GLIPR1L2: variants seen among roughly 807,000 people sequenced by gnomAD.
The protein encoded by GLIPR1L2 is GLIPR1 like 2.
GLIPR1L2 carries 21 observed loss-of-function variants against 28.4 expected under a neutral mutation model. That is an observed-to-expected ratio of 0.74 (90% CI 0.52 to 1.06). The LOEUF (loss-of-function observed/expected upper bound fraction) is 1.06, where lower values mean the gene tolerates loss of function less well. Ranked by LOEUF, GLIPR1L2 falls within the 50% of genes least tolerant of loss-of-function variation. The probability of loss-of-function intolerance (pLI) is 0.00; values close to 1 mark genes in which losing one functional copy is unlikely to be tolerated. For synonymous variants in GLIPR1L2, 145 were observed against 139.3 expected (o/e 1.04, Z -0.29); for missense variants, 476 against 416.9 (o/e 1.14, Z -1.23).
intron 3 of GLIPR1L2, among the ~76,000 whole-genome samples, chr12:75,418,796 C>T (rs1003505156): frequency 6.6e-6 from 1 of 152,158 alleles, no homozygotes; most frequent in Non-Finnish European, 1.5e-5. Context: ...GATATTGTTT[C>T]TCCCTATCCA....
At position 75,413,513 on chromosome 12, in the gene GLIPR1L2, T is replaced by C. The variant is rs1187598525; in HGVS notation, c.481-85T>C. ...TTGAATTGCTTGGTGAAAAGTTCTATGTGAATGGAATATATTATTGTTTAT... is the reference window on the plus strand; with the variant it reads ...TTGAATTGCTTGGTGAAAAGTTCTACGTGAATGGAATATATTATTGTTTAT... On this transcript the variant is annotated intron_variant, in intron 2 of 5. Transcript: ENST00000550916. The C allele has an allele frequency of 9.4e-6, 7 of 744,858 alleles. 1 individual carries two copies. The South Asian group carries it at 1.3e-4, about 14-fold the overall frequency. The allele number at this position is 744,858 out of a possible 1,614,324, so 46.1% of individuals were successfully genotyped here.
rs1041623119 is a variant in GLIPR1L2, at chr12:75,402,986, C to A, written c.235-7448C>A. On this transcript the variant is annotated intron_variant, in intron 1 of 5. Transcript: ENST00000550916. ...TAAATAAAGTCCTCCACTTTGTTAACAAGTGTCATGAACAATTTTTCCTTT... is the reference window on the plus strand; with the variant it reads ...TAAATAAAGTCCTCCACTTTGTTAAAAAGTGTCATGAACAATTTTTCCTTT... 1.1e-5 allele frequency: 5 copies of A among 456,752 alleles called. No individual in the cohort carries two copies. The Middle Eastern group carries it at 9.7e-4, about 88-fold the overall frequency. The allele number at this position is 456,752 out of a possible 1,614,324, so 28.3% of individuals were successfully genotyped here. A position where few individuals can be genotyped will look rare whatever the true frequency, so the allele number is the denominator to read the frequency against.
At chr12:75,412,944 C>A (rs1276768207) in intron 2 of GLIPR1L2, among the ~76,000 whole-genome samples, 1 of 151,896 alleles carries the variant, frequency 6.6e-6, no homozygotes, top group Non-Finnish European at 1.5e-5. Context: ...TGGAACCAAC[C>A]CAAATGTCCA....
intron 1 of GLIPR1L2, among the ~76,000 whole-genome samples, chr12:75,393,290 G>A (rs992858734): frequency 6.6e-6 from 1 of 151,960 alleles, no homozygotes; most frequent in African/African-American, 2.4e-5. Flanking sequence ...ATAGTTCAGT[G>A]GCATTAAGTA....
chr12:75,396,530 T>C (rs901359905), intron 1 of GLIPR1L2, among the ~76,000 whole-genome samples: 2 of 152,230 alleles, frequency 1.3e-5, no homozygotes, highest in African/African-American at 4.8e-5. Context: ...TATTTCTATA[T>C]GTAAAATAAT....
intron 4 of GLIPR1L2, among the ~76,000 whole-genome samples, chr12:75,428,974 C>T (rs2046063066): frequency 6.6e-6 from 1 of 152,208 alleles, no homozygotes; most frequent in African/African-American, 2.4e-5. Flanking sequence ...CACAAGTTTG[C>T]TGCAGGGGTG....
chr12:75,402,277 T>G (rs2045750333), intron 1 of GLIPR1L2, among the ~76,000 whole-genome samples: 1 of 152,206 alleles, frequency 6.6e-6, no homozygotes, highest in African/African-American at 2.4e-5. Flanking sequence ...GATCTGTTCT[T>G]TAAATAGGCC....
chr12:75,420,380 G>A lies in GLIPR1L2; in HGVS notation c.585-2524G>A, dbSNP rs372024412. On this transcript the variant is annotated intron_variant, in intron 3 of 5. Transcript: ENST00000550916. Reference sequence around the variant, plus strand: ...TGAAAGACTGTGTATCTATATCAAAGTTTGAATAATGGCCTTCTAATGAAC... The same window carrying A: ...TGAAAGACTGTGTATCTATATCAAAATTTGAATAATGGCCTTCTAATGAAC... 2.3e-4 allele frequency among the ~76,000 whole-genome samples: 35 copies of A among 152,284 alleles called. No homozygotes were observed. In the South Asian group the frequency reaches 6.8e-3, roughly 30 times the overall value.
At chr12:75,413,382 A>T (rs2139947801) in intron 2 of GLIPR1L2, among the ~76,000 whole-genome samples, 1 of 151,960 alleles carries the variant, frequency 6.6e-6, no homozygotes, top group East Asian at 1.9e-4. Flanking sequence ...AGAATATGTT[A>T]TTGGTAGAAC....
intron 1 of GLIPR1L2, among the ~76,000 whole-genome samples, chr12:75,398,222 C>G (rs141834127): frequency 1.9e-4 from 28 of 147,684 alleles, no homozygotes; most frequent in African/African-American, 7.0e-4. Context: ...CTAGCTACTC[C>G]GAAGGCTGAG....
chr12:75,408,386 A>G (rs1250073750), intron 1 of GLIPR1L2, among the ~76,000 whole-genome samples: 44 of 151,976 alleles, frequency 2.9e-4, no homozygotes. Context: ...AATACATTTA[A>G]ACTACTTAAC....
chr12:75,410,651 G>C lies in GLIPR1L2; in HGVS notation c.452G>C (p.Cys151Ser). 1 of 1,609,028 alleles carries C rather than the reference G, an allele frequency of 6.2e-7. No individual in the cohort carries two copies. The highest frequency in any genetic ancestry group is 1.7e-5 in the Admixed American group (1 of 59,652). ...KKMYNFENGS[C>S]SGDCSNYIQL... Reference sequence around the variant, plus strand: ...ATGTACAATTTTGAAAATGGCAGTTGCTCTGGAGACTGTTCTAATTATATT... The same window carrying C: ...ATGTACAATTTTGAAAATGGCAGTTCCTCTGGAGACTGTTCTAATTATATT... The change falls in exon 2 of 6, where the codon TGC becomes TCC. Residue 151 changes from cysteine to serine, a missense_variant. By Grantham distance (112) the Cys-to-Ser change is moderately radical. Coordinates refer to ENST00000550916, the MANE Select transcript of GLIPR1L2 (RefSeq NM_001270396.2).
In GLIPR1L2 at chr12:75,430,814, T is replaced by C. The variant is rs1382138634; in HGVS notation, c.698-10T>C. The C allele has an allele frequency of 2.0e-6, 3 of 1,533,126 alleles. No individual in the cohort carries two copies. The highest frequency in any genetic ancestry group is 2.6e-6 in the Non-Finnish European group (3 of 1,145,676). The allele number at this position is 1,533,126 out of a possible 1,614,324, so 95.0% of individuals were successfully genotyped here. A position where few individuals can be genotyped will look rare whatever the true frequency, so the allele number is the denominator to read the frequency against. On this transcript the variant is annotated splice_polypyrimidine_tract_variant and intron_variant, in intron 5 of 5. Transcript: ENST00000550916. ...TGAAATCCAGCTTTCAATTGCTTCT[T>C]TGTTTACAGATTACCGATTTTGGTA...
intron 4 of GLIPR1L2, among the ~76,000 whole-genome samples, chr12:75,429,119 T>C (rs1406564846): frequency 6.6e-6 from 1 of 152,130 alleles, no homozygotes; most frequent in Non-Finnish European, 1.5e-5. Flanking sequence ...GATCCCAGAA[T>C]GACAACTTGC....
At chr12:75,404,276 T>C (rs941320080) in intron 1 of GLIPR1L2, among the ~76,000 whole-genome samples, 8 of 152,142 alleles carry the variant, frequency 5.3e-5, no homozygotes, top group Admixed American at 5.2e-4. Flanking sequence ...TATTACAAAT[T>C]TAATTTATAA....
intron 1 of GLIPR1L2, among the ~76,000 whole-genome samples, chr12:75,410,014 A>G (rs573496006): frequency 1.3e-4 from 20 of 151,500 alleles, no homozygotes; most frequent in African/African-American, 4.8e-4. Context: ...TTAGCATTTT[A>G]TTCTTGACAA....
In GLIPR1L2 at chr12:75,410,474, G is replaced by GA; in HGVS notation, c.282dup (p.Cys95MetfsTer6). On this transcript the variant is annotated frameshift_variant, in exon 2 of 6. Transcript: ENST00000550916. LOFTEE classifies it high-confidence loss of function. ...TTATCACGGACTGCTAGAGCATGGG[G>GA]AAAAAAATGTTTGTTTACGCATAAT... The GA allele has an allele frequency of 8.1e-6, 13 of 1,609,184 alleles. No individual in the cohort carries two copies. Among genetic ancestry groups the GA allele is most frequent in the African/African-American group, 1.3e-5 (1 of 74,806 alleles).
Position 75,429,936 on chromosome 12 carries a change from TTC to T in GLIPR1L2, c.671-777_671-776del, listed in dbSNP as rs1491056723. On this transcript the variant is annotated intron_variant, in intron 4 of 5. Coordinates refer to ENST00000550916, the MANE Select transcript of GLIPR1L2 (RefSeq NM_001270396.2). ...AACCTTTTCTTTTCTTTTCTTTTCT[TTC>T]TTTTTTTTTTTTTTTTGAGACAGAG... Among the ~76,000 whole-genome samples the T allele has an allele frequency of 1.4e-4, 9 of 64,832 alleles. 1 individual carries two copies. The highest frequency in any genetic ancestry group is 3.4e-4 in the African/African-American group (8 of 23,616). 42.5% of individuals were successfully genotyped at this position (64,832 alleles called of 152,430 possible).
At chr12:75,392,952 T>C (rs1030428761) in intron 1 of GLIPR1L2, among the ~76,000 whole-genome samples, 14 of 152,220 alleles carry the variant, frequency 9.2e-5, no homozygotes, top group African/African-American at 3.1e-4. Context: ...AATAGTATAG[T>C]CTATCATAAT....
Sources: allele counts gnomAD v4.1 joint callset (sites outside exome capture counted in the v4.1 genomes callset), GRCh38; gene constraint gnomAD v4.1.1; transcripts MANE v1.5; gene names NCBI Gene and HGNC (gene_info 2026-07-23, HGNC 2026-07-21).